The following KDM5A variants were observed in gnomAD, a reference collection of about 807,000 sequenced individuals.
KDM5A encodes lysine-specific demethylase 5A.
In KDM5A, 42 loss-of-function variants were observed where a neutral mutation model predicts 193.5. That is an observed-to-expected ratio of 0.22 (90% CI 0.17 to 0.28). The LOEUF (loss-of-function observed/expected upper bound fraction) is 0.28. KDM5A is among the 10% of genes least tolerant of loss of function. The pLI is 1.00. For missense variants in KDM5A, 1,692 were observed against 2,055.1 expected (o/e 0.82, Z 3.42); for synonymous variants, 796 against 718.1 (o/e 1.11, Z -1.73).
chr12:329,111 C>CATAA (rs1312557496), intron 13 of KDM5A, 82 bp from the exon 14 acceptor site: 1 of 1,123,998 alleles, frequency 8.9e-7, no homozygotes, highest in East Asian at 2.4e-5. Context: ...CAGGTCCTCC[C>CATAA]TTTTATTAGA....
intron 22 of KDM5A, 84 bp downstream of exon 22, chr12:309,719 A>G: frequency 2.1e-6 from 3 of 1,434,240 alleles, no homozygotes; most frequent in Non-Finnish European, 2.9e-6. Context: ...AAAAAGTTAA[A>G]AACATAAAAA....
At chr12:376,655 C>T (rs1944508702) in intron 3 of KDM5A, among the ~76,000 whole-genome samples, 1 of 152,196 alleles carries the variant, frequency 6.6e-6, no homozygotes, top group African/African-American at 2.4e-5. Context: ...CAGAAATCAC[C>T]CGTCTTCTGC....
chr12:325,506 G>A (rs1943771566), intron 14 of KDM5A, among the ~76,000 whole-genome samples: 1 of 149,698 alleles, frequency 6.7e-6, no homozygotes. Context: ...GTGAAACTTT[G>A]TCATTACTAA....
At chr12:339,901 A>T (rs1285289074) in intron 10 of KDM5A, among the ~76,000 whole-genome samples, 1 of 145,456 alleles carries the variant, frequency 6.9e-6, no homozygotes, top group African/African-American at 2.6e-5. Context: ...TTGAGACAGG[A>T]TCTCACTCTG....
chr12:385,857 A>C (rs1944631856), intron 2 of KDM5A, 40 bp downstream of exon 2: 2 of 1,502,368 alleles, frequency 1.3e-6, no homozygotes, highest in African/African-American at 2.7e-5. Flanking sequence ...CCTAATATAA[A>C]GAATGAATCA....
chr12:303,855 T>G (rs765042089), intron 24 of KDM5A, among the ~76,000 whole-genome samples: 27 of 152,340 alleles, frequency 1.8e-4, no homozygotes, highest in Non-Finnish European at 3.4e-4. Context: ...TGACAATATA[T>G]AGATTACAGT....
chr12:299,060 C>G (rs1249549680), intron 24 of KDM5A, among the ~76,000 whole-genome samples: 1 of 151,898 alleles, frequency 6.6e-6, no homozygotes, highest in African/African-American at 2.4e-5. Flanking sequence ...GTGAAAAGAC[C>G]AAATCTACAT....
At position 311,058 on chromosome 12, in the gene KDM5A, T is replaced by C. The variant is rs765300260; in HGVS notation, c.3043A>G (p.Ser1015Gly). 7 of 1,614,210 alleles carry C rather than the reference T, an allele frequency of 4.3e-6. No homozygotes were observed. In the Admixed American group the frequency reaches 1.2e-4, roughly 27 times the overall value. The change falls in exon 21 of 28, where the codon AGC becomes GGC. Residue 1015 changes from serine (S) to glycine (G), a missense_variant. By Grantham distance (56) the Ser-to-Gly change is moderately conservative. This residue lies in a region of KDM5A where 965 missense variants were observed against 1,061.0 expected (regional missense o/e 0.91). Transcript: ENST00000399788. ...AGCTGCTCCAAATAAGCGTAATTGC[T>C]GCCACTCTGAAAAACCAAAGTAGAT... is the stretch of plus-strand genomic sequence containing the variant. Reference protein sequence around the residue: ...TAKVEAIQSGSNYAYLEQLES... With the variant: ...TAKVEAIQSGGNYAYLEQLES...
chr12:322,458 A>C lies in KDM5A; in HGVS notation c.2385T>G (p.Ala795=), dbSNP rs762346011. The C allele has an allele frequency of 1.9e-6, 3 of 1,613,614 alleles. No individual in the cohort carries two copies. Among genetic ancestry groups the C allele is most frequent in the Non-Finnish European group, 2.5e-6 (3 of 1,179,968 alleles). The change falls in exon 17 of 28, where the codon GCT becomes GCG. Residue 795 remains alanine (A), a synonymous_variant. Transcript: ENST00000399788. The part of the protein sequence containing the change: ...RDAVKEAETC[A]SVAQLLLSKK... ...TGCTCAGAAGCAGCTGAGCCACAGA[A>C]GCACAGGTCTCAGCTTCTTTTACAG...
At chr12:319,964 C>G (rs960757527) in intron 18 of KDM5A, among the ~76,000 whole-genome samples, 1 of 151,826 alleles carries the variant, frequency 6.6e-6, no homozygotes, top group Non-Finnish European at 1.5e-5. Flanking sequence ...AAGAAAGGGC[C>G]GAGACTCCTA....
chr12:323,244 A>C, intron 15 of KDM5A, 38 bp from the exon 16 acceptor site: 1 of 1,489,916 alleles, frequency 6.7e-7, no homozygotes, highest in Non-Finnish European at 8.9e-7. Context: ...AAAAAAGAAA[A>C]CAGAAATAAA....
At chr12:353,235 T>C (rs1944185425) in intron 8 of KDM5A, among the ~76,000 whole-genome samples, 1 of 151,960 alleles carries the variant, frequency 6.6e-6, no homozygotes. Context: ...GAGGCTGAGC[T>C]GGGAGTATCA....
In KDM5A at chr12:333,617, G is replaced by A; in HGVS notation, c.1523C>T (p.Ser508Phe). Reference protein sequence around the residue: ...GEPKTWYGVPSHAAEQLEEVM... With the variant: ...GEPKTWYGVPFHAAEQLEEVM... ...CTCCTCCAGTTGCTCTGCAGCATGA[G>A]ATGGCACACCATACCATGTCTTTGG... Residue 508 changes from serine (S) to phenylalanine (F), a missense_variant, in exon 12 of 28, where the codon TCT (serine) becomes TTT (phenylalanine). Ser to Phe is a radical substitution (Grantham distance 155). Coordinates refer to ENST00000399788, the MANE Select transcript of KDM5A (RefSeq NM_001042603.3). The A allele has an allele frequency of 1.9e-6, 3 of 1,614,088 alleles. No individual in the cohort carries two copies. Among genetic ancestry groups the A allele is most frequent in the Non-Finnish European group, 2.5e-6 (3 of 1,179,992 alleles).
chr12:308,125 G>A, intron 22 of KDM5A, 120 bp from the exon 23 acceptor site: 1 of 1,153,896 alleles, frequency 8.7e-7, no homozygotes, highest in South Asian at 1.3e-5. Flanking sequence ...TTCCTAAAAT[G>A]TGGGGCCCCT....
rs115445565 is a variant in KDM5A, at chr12:381,884, G to A, written c.366+2147C>T. 3.1e-3 allele frequency among the ~76,000 whole-genome samples: 470 copies of A among 152,048 alleles called. 2 individuals carry two copies. The highest frequency in any genetic ancestry group is 0.011 in the African/African-American group (443 of 41,464). ...TGCAGTGGTGTGATGACAGCTCACC[G>A]CAGTCTTGACCTCCTGGGCTCAAGC... On this transcript the variant is annotated intron_variant, in intron 3 of 27. Transcript: ENST00000399788.
At chr12:291,936 CTT>C (rs1289087737) in intron 27 of KDM5A, among the ~76,000 whole-genome samples, 1 of 134,130 alleles carries the variant, frequency 7.5e-6, no homozygotes, top group African/African-American at 2.8e-5. Context: ...GAGTTTTGCT[CTT>C]GTGGCCCAGG....
At chr12:342,461 T>A (rs7979745) in intron 10 of KDM5A, among the ~76,000 whole-genome samples, 45,400 of 150,554 alleles carry the variant, frequency 0.3, 7,004 homozygotes, top group East Asian at 0.51. Flanking sequence ...ATAAAATGTG[T>A]TTTTTTTTTC....
At chr12:294,218 A>G (rs1217133072) in intron 26 of KDM5A, among the ~76,000 whole-genome samples, 1 of 152,236 alleles carries the variant, frequency 6.6e-6, no homozygotes, top group African/African-American at 2.4e-5. Context: ...CAGCTTTTTA[A>G]TATTGTTGCT....
chr12:347,252 G>A (rs1427082310), intron 10 of KDM5A, among the ~76,000 whole-genome samples: 2 of 152,126 alleles, frequency 1.3e-5, no homozygotes, highest in Non-Finnish European at 1.5e-5. Context: ...ACTGCTCAAC[G>A]AAATAAAAGA....
Sources: gnomAD v4.1 joint callset for allele counts (sites outside exome capture counted in the v4.1 genomes callset) on GRCh38, gnomAD v4.1.1 for gene constraint, gnomAD v4.1.1 regional missense constraint, MANE v1.5 for transcripts, NCBI Gene and HGNC (gene_info 2026-07-23, HGNC 2026-07-21) for gene names.